Variants in MICU3 observed in about 807,000 individuals in gnomAD.
MICU3 encodes the protein calcium uptake protein 3, mitochondrial.
MICU3 carries 62 observed loss-of-function variants against 66.5 expected under a neutral mutation model. That is an observed-to-expected ratio of 0.93 (90% CI 0.76 to 1.15). MICU3 has a LOEUF of 1.15. Ranked by LOEUF, MICU3 falls within the 50% of genes most tolerant of loss-of-function variation. The pLI is 0.00. For synonymous variants in MICU3, 308 were observed against 240.7 expected, an observed-to-expected ratio of 1.28 and a Z score of -2.59; for missense variants, 779 against 664.4, an observed-to-expected ratio of 1.17 and a Z score of -1.90.
At chr8:17,088,151 G>A (rs985937477) in intron 7 of MICU3, among the ~76,000 whole-genome samples, 1 of 151,954 alleles carries the variant, frequency 6.6e-6, no homozygotes, top group Admixed American at 6.6e-5. Flanking sequence ...GGATTATATA[G>A]CACATACTGC....
chr8:17,101,584 G>A (rs554834669), intron 9 of MICU3, among the ~76,000 whole-genome samples: 78 of 151,924 alleles, frequency 5.1e-4, no homozygotes, highest in African/African-American at 1.7e-3. Context: ...AAAACTGGCC[G>A]AATGAGGTCA....
chr8:17,072,832 C>T (rs6998957), intron 3 of MICU3, among the ~76,000 whole-genome samples: 22,657 of 152,126 alleles, frequency 0.15, 2,223 homozygotes, highest in East Asian at 0.38. Context: ...TGACAATACC[C>T]ATAATTAGCA....
intron 8 of MICU3, among the ~76,000 whole-genome samples, chr8:17,092,864 T>A (rs1800222363): frequency 6.6e-6 from 1 of 152,058 alleles, no homozygotes; most frequent in African/African-American, 2.4e-5. Context: ...CTCAAGTGTC[T>A]AATCTGAGTA....
At chr8:17,070,994 T>C (rs1563328937) in intron 3 of MICU3, among the ~76,000 whole-genome samples, 1 of 152,152 alleles carries the variant, frequency 6.6e-6, no homozygotes, top group Non-Finnish European at 1.5e-5. Flanking sequence ...CAGTGTGAGA[T>C]TTCATCATGC....
chr8:17,077,937 C>A, intron 4 of MICU3, 76 bp downstream of exon 4: 2 of 871,544 alleles, frequency 2.3e-6, no homozygotes. Context: ...TTTTCCCATA[C>A]CTAAAATAAT....
intron 1 of MICU3, among the ~76,000 whole-genome samples, chr8:17,050,895 C>T (rs1186784308): frequency 6.6e-6 from 1 of 152,054 alleles, no homozygotes; most frequent in Non-Finnish European, 1.5e-5. Flanking sequence ...TGATTGAGAA[C>T]ATGTTTGCAT....
chr8:17,035,512 G>C (rs1812816414), intron 1 of MICU3, among the ~76,000 whole-genome samples: 1 of 152,190 alleles, frequency 6.6e-6, no homozygotes, highest in Admixed American at 6.5e-5. Context: ...GGAACTTGTT[G>C]GGAACTGGAG....
chr8:17,081,193 A>C (rs1821129137), intron 4 of MICU3, among the ~76,000 whole-genome samples: 1 of 152,124 alleles, frequency 6.6e-6, no homozygotes, highest in Non-Finnish European at 1.5e-5. Context: ...AAAGCAGAAA[A>C]GTGGTAACTA....
chr8:17,126,844 A>G (rs1271748837), downstream of MICU3, among the ~76,000 whole-genome samples: 1 of 152,196 alleles, frequency 6.6e-6, no homozygotes, highest in East Asian at 1.9e-4. Flanking sequence ...TGCAGAAGGA[A>G]AGAATTGAGA....
chr8:17,028,101 A>G (rs923318078), intron 1 of MICU3, among the ~76,000 whole-genome samples: 2 of 152,196 alleles, frequency 1.3e-5, no homozygotes, highest in South Asian at 2.1e-4. Context: ...AAAAGCCACT[A>G]CTTTAGCATA....
At chr8:17,096,565 T>C (rs914368081) in intron 8 of MICU3, among the ~76,000 whole-genome samples, 1 of 151,850 alleles carries the variant, frequency 6.6e-6, no homozygotes, top group African/African-American at 2.4e-5. Flanking sequence ...TGTAAGGATG[T>C]TGTTTCTGCC....
chr8:17,134,288 C>T, the MICU3 span: 3 of 152,178 alleles, frequency 2.0e-5, no homozygotes, highest in Non-Finnish European at 4.4e-5. Context: ...TTTCTTATTT[C>T]AATCCTAAAG....
chr8:17,118,619 G>C, intron 13 of MICU3, 88 bp from the exon 14 acceptor site: 2 of 849,206 alleles, frequency 2.4e-6, no homozygotes, highest in Non-Finnish European at 3.8e-6. Context: ...ACTTCTATGA[G>C]TTTGACTTTT....
At chr8:17,126,023 C>T (rs1803395577), downstream of MICU3, among the ~76,000 whole-genome samples, 1 of 130,260 alleles carries the variant, frequency 7.7e-6, no homozygotes. Flanking sequence ...AGCAAGACTC[C>T]ATCTCAAAAG....
intron 2 of MICU3, among the ~76,000 whole-genome samples, chr8:17,067,430 ATT>A (rs148975949): frequency 2.2e-4 from 32 of 146,488 alleles, no homozygotes; most frequent in East Asian, 8.0e-4. Context: ...CATAGCCATG[ATT>A]TTTTTTTTTT....
chr8:17,053,269 G>C (rs968273529), intron 1 of MICU3, among the ~76,000 whole-genome samples: 1 of 152,166 alleles, frequency 6.6e-6, no homozygotes, highest in Non-Finnish European at 1.5e-5. Context: ...GGTATTATCA[G>C]CTGGTAGGCG....
At chr8:17,085,111 C>G (rs921121245) in intron 5 of MICU3, 125 bp from the exon 6 acceptor site, 30 of 534,924 alleles carry the variant, frequency 5.6e-5, no homozygotes, top group Middle Eastern at 7.0e-4. Context: ...AATATATATA[C>G]TTTTATACGC....
the MICU3 span, among the ~76,000 whole-genome samples, chr8:17,130,855 T>C: frequency 6.6e-6 from 1 of 152,214 alleles, no homozygotes; most frequent in East Asian, 1.9e-4. Flanking sequence ...TAATGTTAAA[T>C]GTAAGTTCAC....
At chr8:17,130,426 G>C in the MICU3 span, among the ~76,000 whole-genome samples, 2 of 151,962 alleles carry the variant, frequency 1.3e-5, no homozygotes, top group Non-Finnish European at 2.9e-5. Context: ...AGGAGGCCAA[G>C]GCAGAAGAAT....
Sources: allele counts gnomAD v4.1 joint callset (sites outside exome capture counted in the v4.1 genomes callset), GRCh38; gene constraint gnomAD v4.1.1; transcripts MANE v1.5; gene names NCBI Gene and HGNC (gene_info 2026-07-23, HGNC 2026-07-21).